Variants in RBM47 observed in about 807,000 individuals in gnomAD.
The protein encoded by RBM47 is RNA-binding protein 47.
RBM47 carries 21 observed loss-of-function variants against 47.1 expected under a neutral mutation model. The ratio of observed to expected loss-of-function variants is 0.45; its 90% CI spans 0.32 to 0.64. The LOEUF is 0.64. RBM47 is among the 30% of genes least tolerant of loss of function. RBM47 has a pLI of 0.05. For synonymous variants in RBM47, 375 were observed against 361.7 expected (o/e 1.04, Z -0.42); for missense variants, 708 against 870.9 (o/e 0.81, Z 2.35).
At chr4:40,518,117 A>G (rs947978634) in intron 2 of RBM47, among the ~76,000 whole-genome samples, 1 of 150,362 alleles carries the variant, frequency 6.7e-6, no homozygotes, top group East Asian at 1.9e-4. Flanking sequence ...TAAGATAGCC[A>G]TCAAATCACA....
chr4:40,561,548 T>TCTC (rs201960838), intron 1 of RBM47, among the ~76,000 whole-genome samples: 1 of 139,434 alleles, frequency 7.2e-6, no homozygotes, highest in Non-Finnish European at 1.5e-5. Context: ...TCTTTTCTTT[T>TCTC]TTTTTTCTTT....
At chr4:40,583,766 G>C (rs1045373167) in intron 1 of RBM47, among the ~76,000 whole-genome samples, 1 of 150,630 alleles carries the variant, frequency 6.6e-6, no homozygotes, top group Non-Finnish European at 1.5e-5. Context: ...GCTGAGGCAG[G>C]AGAATGGCGT....
chr4:40,562,612 C>G (rs1323339185), intron 1 of RBM47, among the ~76,000 whole-genome samples: 1 of 151,790 alleles, frequency 6.6e-6, no homozygotes, highest in African/African-American at 2.4e-5. Context: ...ATTACAGGTG[C>G]GCGCCACCAC....
intron 3 of RBM47, among the ~76,000 whole-genome samples, chr4:40,446,736 C>A (rs1714580846): frequency 2.1e-5 from 1 of 48,130 alleles, no homozygotes; most frequent in African/African-American, 7.3e-5. Flanking sequence ...AAGACCCAGT[C>A]TCAAAAAAAA....
intron 2 of RBM47, among the ~76,000 whole-genome samples, chr4:40,486,695 G>A (rs79549219): frequency 6.6e-6 from 1 of 152,298 alleles, no homozygotes; most frequent in African/African-American, 2.4e-5. Flanking sequence ...AATGGGGTGA[G>A]GGTTGGGTAG....
At chr4:40,554,005 C>G (rs778125697) in intron 1 of RBM47, among the ~76,000 whole-genome samples, 1 of 152,094 alleles carries the variant, frequency 6.6e-6, no homozygotes, top group Non-Finnish European at 1.5e-5. Flanking sequence ...CTGGTTTCTC[C>G]AAGCTCACAT....
chr4:40,610,610 CAAAAAAAAAAAAA>C (rs34149753), intron 1 of RBM47, among the ~76,000 whole-genome samples: 1 of 52,808 alleles, frequency 1.9e-5, no homozygotes. Context: ...GACTCCATCT[CAAAAAAAAAAAAA>C]AAAAAAAAGA....
In RBM47 at chr4:40,423,963, T is replaced by C. The variant is rs1463903162; in HGVS notation, c.*1941A>G. The C allele has an allele frequency of 6.6e-6, 1 of 152,388 alleles. No individual in the cohort carries two copies. Among genetic ancestry groups the C allele is most frequent in the Non-Finnish European group, 1.5e-5 (1 of 68,018 alleles). The allele number at this position is 152,388 out of a possible 1,614,324, so 9.4% of individuals were successfully genotyped here. A position where few individuals can be genotyped will look rare whatever the true frequency, so the allele number is the denominator to read the frequency against. ...CTTGTGGGGTACATCATCAGGAACA[T>C]TGCACAATTATTTTATGTCATTTAA... On this transcript the variant is annotated 3_prime_UTR_variant, in exon 7 of 7. Coordinates refer to ENST00000295971, the MANE Select transcript of RBM47 (RefSeq NM_001098634.2).
intron 1 of RBM47, among the ~76,000 whole-genome samples, chr4:40,621,955 G>A (rs1022976290): frequency 3.3e-5 from 5 of 152,214 alleles, no homozygotes; most frequent in Non-Finnish European, 7.3e-5. Flanking sequence ...GCAGCCTCCT[G>A]GGAGAGGTCT....
chr4:40,450,357 G>T (rs1382273299), intron 3 of RBM47, among the ~76,000 whole-genome samples: 4 of 152,132 alleles, frequency 2.6e-5, no homozygotes, highest in African/African-American at 4.8e-5. Flanking sequence ...ACTTTGGGAG[G>T]CTGAGGCGGC....
intron 2 of RBM47, among the ~76,000 whole-genome samples, chr4:40,509,839 C>A (rs1250137196): frequency 6.6e-6 from 1 of 150,680 alleles, no homozygotes; most frequent in African/African-American, 2.5e-5. Context: ...GCGGAGATTG[C>A]GCCACTGCAC....
At chr4:40,540,880 T>C (rs1728467258) in intron 2 of RBM47, among the ~76,000 whole-genome samples, 3 of 151,944 alleles carry the variant, frequency 2.0e-5, no homozygotes, top group African/African-American at 7.2e-5. Flanking sequence ...GTCAAGCTTA[T>C]TGATATAAAT....
At chr4:40,432,242 ACG>A (rs1716270069) in intron 6 of RBM47, among the ~76,000 whole-genome samples, 1 of 142,738 alleles carries the variant, frequency 7.0e-6, no homozygotes, top group African/African-American at 2.6e-5. Flanking sequence ...ACACACACAC[ACG>A]GGGGTTAACA....
At chr4:40,509,758 C>T (rs112911453) in intron 2 of RBM47, among the ~76,000 whole-genome samples, 1,710 of 151,136 alleles carry the variant, frequency 0.011, 28 homozygotes, top group African/African-American at 0.039. Flanking sequence ...TGGTGGCGGG[C>T]GCCTGTAGTC....
At chr4:40,508,455 T>C (rs1295472712) in intron 2 of RBM47, among the ~76,000 whole-genome samples, 1 of 152,242 alleles carries the variant, frequency 6.6e-6, no homozygotes, top group African/African-American at 2.4e-5. Context: ...CATATAGTCA[T>C]GTTTTTAATT....
At chr4:40,564,200 G>A (rs931516354) in intron 1 of RBM47, among the ~76,000 whole-genome samples, 18 of 152,212 alleles carry the variant, frequency 1.2e-4, no homozygotes, top group African/African-American at 3.4e-4. Context: ...CAGAGGAAGT[G>A]GTGTGTGTCA....
intron 2 of RBM47, among the ~76,000 whole-genome samples, chr4:40,525,436 CAT>C (rs1158977282): frequency 3.3e-5 from 5 of 152,056 alleles, no homozygotes; most frequent in African/African-American, 1.2e-4. Flanking sequence ...AAGTGATAAA[CAT>C]AAAAAAAGAG....
rs1234583075 is a variant in RBM47 at position 40,540,666 on chromosome 4, T to A, written c.-155+3756A>T. Among the ~76,000 whole-genome samples, 44 of 147,002 alleles carry A rather than the reference T, an allele frequency of 3.0e-4. 1 individual carries two copies. The highest frequency in any genetic ancestry group is 8.5e-4 in the African/African-American group (34 of 40,190). On this transcript the variant is annotated intron_variant, in intron 2 of 6. Coordinates refer to ENST00000295971, the MANE Select transcript of RBM47 (RefSeq NM_001098634.2). ...AAAAAAAAAAAAATAATAATAATAA[T>A]AATAATAATAATAAATGGGGAATAA...
chr4:40,493,872 G>T (rs918833913), intron 2 of RBM47, among the ~76,000 whole-genome samples: 1 of 151,844 alleles, frequency 6.6e-6, no homozygotes, highest in Admixed American at 6.6e-5. Context: ...CCGGGAGGCA[G>T]AGGTTGCAGT....
Sources: gnomAD v4.1 joint callset for allele counts (sites outside exome capture counted in the v4.1 genomes callset) on GRCh38, gnomAD v4.1.1 for gene constraint, MANE v1.5 for transcripts, NCBI Gene and HGNC (gene_info 2026-07-23, HGNC 2026-07-21) for gene names.